Variants in ZFPM2 observed in about 807,000 individuals in gnomAD.
The protein encoded by ZFPM2 is zinc finger protein, FOG family member 2, also known as zinc finger protein ZFPM2.
ZFPM2 carries 20 observed loss-of-function variants against 98.6 expected under a neutral mutation model. That is an observed-to-expected ratio of 0.20 (90% confidence interval 0.14 to 0.29). The LOEUF is 0.29. ZFPM2 is among the 10% of genes least tolerant of loss of function. The pLI is 1.00. For synonymous variants in ZFPM2, 518 were observed against 502.7 expected (o/e 1.03, Z -0.41); for missense variants, 1,310 against 1,388.6 (o/e 0.94, Z 0.90).
At chr8:105,791,869 T>C (rs1481112078) in intron 6 of ZFPM2, among the ~76,000 whole-genome samples, 1 of 152,242 alleles carries the variant, frequency 6.6e-6, no homozygotes, top group African/African-American at 2.4e-5. Context: ...TTTTCTAGTT[T>C]ATTTGCATAG....
chr8:105,319,072 T>A (rs894576989), intron 1 of ZFPM2, 91 bp downstream of exon 1: 48 of 1,391,254 alleles, frequency 3.5e-5, no homozygotes, highest in Non-Finnish European at 4.6e-5. Flanking sequence ...GTGGCGGGGC[T>A]AGGGGAGATC....
At chr8:105,400,302 G>A (rs1300854414) in intron 1 of ZFPM2, among the ~76,000 whole-genome samples, 1 of 151,284 alleles carries the variant, frequency 6.6e-6, no homozygotes, top group Non-Finnish European at 1.5e-5. Context: ...TAGGGTACAT[G>A]TGCACATTGT....
At chr8:105,537,328 G>A (rs1372803783) in intron 3 of ZFPM2, among the ~76,000 whole-genome samples, 1 of 152,082 alleles carries the variant, frequency 6.6e-6, no homozygotes, top group Non-Finnish European at 1.5e-5. Context: ...AATGAGGAAT[G>A]GATTATTGAT....
intron 1 of ZFPM2, among the ~76,000 whole-genome samples, chr8:105,390,689 C>T (rs1485079976): frequency 6.6e-6 from 1 of 152,044 alleles, no homozygotes; most frequent in Admixed American, 6.6e-5. Context: ...AGGACAAAGA[C>T]CAGACAAATT....
chr8:105,694,499 C>A (rs1015729508), intron 5 of ZFPM2, among the ~76,000 whole-genome samples: 1 of 152,096 alleles, frequency 6.6e-6, no homozygotes, highest in African/African-American at 2.4e-5. Context: ...AGACTCAGGT[C>A]TCCAATCTGT....
chr8:105,798,524 G>C, intron 6 of ZFPM2, 200 bp from the exon 7 acceptor site: 2 of 510,170 alleles, frequency 3.9e-6, no homozygotes, highest in Admixed American at 6.6e-5. Context: ...GAGTCTGTGG[G>C]AAGTTAAATT....
Position 105,444,332 on chromosome 8 carries a change from A to G in ZFPM2, c.252A>G (p.Ser84=). 1 of 1,612,568 alleles carries G rather than the reference A, an allele frequency of 6.2e-7. No individual in the cohort carries two copies. The highest frequency in any genetic ancestry group is 8.5e-7 in the Non-Finnish European group (1 of 1,179,340). ...CAGAATCAGATGGGGACACACAGTC[A>G]GAGAAACCGGGGCAACCTGGAGTTG... ...ETAESDGDTQ[S]EKPGQPGVET... The change falls in exon 3 of 8, where the codon TCA becomes TCG. Residue 84 remains serine (S), a synonymous_variant. Transcript: ENST00000407775.
chr8:105,406,823 A>T (rs1472916362), intron 1 of ZFPM2, among the ~76,000 whole-genome samples: 1 of 152,032 alleles, frequency 6.6e-6, no homozygotes, highest in African/African-American at 2.4e-5. Flanking sequence ...AGAGGATACG[A>T]CTAGGGATAA....
At chr8:105,666,048 T>C (rs1420528007) in intron 5 of ZFPM2, among the ~76,000 whole-genome samples, 1 of 152,204 alleles carries the variant, frequency 6.6e-6, no homozygotes, top group African/African-American at 2.4e-5. Context: ...TTTGAATCAT[T>C]GATATTATTT....
At chr8:105,499,225 G>A (rs865789059) in intron 3 of ZFPM2, among the ~76,000 whole-genome samples, 1 of 150,786 alleles carries the variant, frequency 6.6e-6, no homozygotes, top group African/African-American at 2.4e-5. Flanking sequence ...TGCGACGTCA[G>A]TTTAAGGGCA....
chr8:105,346,384 C>CA (rs1188986869), intron 1 of ZFPM2, among the ~76,000 whole-genome samples: 213 of 129,708 alleles, frequency 1.6e-3, no homozygotes, highest in East Asian at 2.3e-3. Flanking sequence ...AACTCCATCT[C>CA]AAAAAAAAAA....
At chr8:105,773,134 A>G (rs1813019364) in intron 5 of ZFPM2, among the ~76,000 whole-genome samples, 1 of 152,204 alleles carries the variant, frequency 6.6e-6, no homozygotes, top group African/African-American at 2.4e-5. Context: ...ACTGAGCGCC[A>G]TCTGCTGGTT....
At chr8:105,400,221 A>G (rs890282811) in intron 1 of ZFPM2, among the ~76,000 whole-genome samples, 1 of 151,650 alleles carries the variant, frequency 6.6e-6, no homozygotes, top group Non-Finnish European at 1.5e-5. Context: ...TTTGTGTTTA[A>G]TTCTTTAAAA....
chr8:105,522,408 G>A (rs1295345227), intron 3 of ZFPM2, among the ~76,000 whole-genome samples: 1 of 152,158 alleles, frequency 6.6e-6, no homozygotes. Context: ...TTGAAAATGA[G>A]AAGTACAACA....
intron 3 of ZFPM2, among the ~76,000 whole-genome samples, chr8:105,458,607 A>G (rs920694260): frequency 3.3e-5 from 5 of 152,212 alleles, no homozygotes; most frequent in Non-Finnish European, 7.3e-5. Context: ...GCCAAATAAT[A>G]TAAAAATGAT....
intron 4 of ZFPM2, among the ~76,000 whole-genome samples, chr8:105,604,451 T>TG (rs1209890210): frequency 1.3e-5 from 2 of 152,060 alleles, no homozygotes; most frequent in African/African-American, 4.8e-5. Flanking sequence ...AATTACAGCA[T>TG]GGTATTCCCA....
chr8:105,349,095 C>T (rs1397463656), intron 1 of ZFPM2, among the ~76,000 whole-genome samples: 1 of 152,118 alleles, frequency 6.6e-6, no homozygotes, highest in Non-Finnish European at 1.5e-5. Context: ...TGTCCCGCTA[C>T]AGGTTTTACT....
At chr8:105,327,797 G>T (rs1238354937) in intron 1 of ZFPM2, among the ~76,000 whole-genome samples, 1 of 151,500 alleles carries the variant, frequency 6.6e-6, no homozygotes, top group Admixed American at 6.6e-5. Context: ...TAGCATATTT[G>T]GTATTCAAGA....
intron 3 of ZFPM2, among the ~76,000 whole-genome samples, chr8:105,542,585 C>T (rs1400932194): frequency 1.3e-5 from 2 of 152,078 alleles, no homozygotes; most frequent in African/African-American, 2.4e-5. Context: ...GAAAATACAG[C>T]GTTCATGGGC....
Sources: allele counts gnomAD v4.1 joint callset (sites outside exome capture counted in the v4.1 genomes callset), GRCh38; gene constraint gnomAD v4.1.1; transcripts MANE v1.5; gene names NCBI Gene and HGNC (gene_info 2026-07-23, HGNC 2026-07-21).